TTC28: variants seen among roughly 807,000 people sequenced by gnomAD.
TTC28 encodes tetratricopeptide repeat domain 28, also known as tetratricopeptide repeat protein 28.
In TTC28, 61 loss-of-function variants were observed where a neutral mutation model predicts 198.0. That is an observed-to-expected ratio of 0.31 (90% CI 0.25 to 0.38). The LOEUF is 0.38. Ranked by LOEUF, TTC28 falls within the 10% of genes least tolerant of loss-of-function variation. The probability of loss-of-function intolerance (pLI) is 1.00; values close to 1 mark genes in which losing one functional copy is unlikely to be tolerated. For synonymous variants in TTC28, 1,171 were observed against 1,297.8 expected (o/e 0.90, Z 2.10); for missense variants, 2,678 against 3,164.0 (o/e 0.85, Z 3.69).
At chr22:28,105,252 G>A in intron 8 of TTC28, 27 bp downstream of exon 8, 1 of 1,540,808 alleles carries the variant, frequency 6.5e-7, no homozygotes, top group Non-Finnish European at 8.8e-7. Flanking sequence ...AGTAGGCCAA[G>A]AGAACACAAT....
intron 1 of TTC28, among the ~76,000 whole-genome samples, chr22:28,648,115 T>C (rs980466830): frequency 1.3e-5 from 2 of 150,342 alleles, no homozygotes; most frequent in Non-Finnish European, 3.0e-5. Context: ...TCCCAGCTAC[T>C]TGGGAGGCTG....
intron 2 of TTC28, among the ~76,000 whole-genome samples, chr22:28,368,797 T>C (rs2046285713): frequency 6.6e-6 from 1 of 151,990 alleles, no homozygotes; most frequent in Non-Finnish European, 1.5e-5. Flanking sequence ...TCATTTATAA[T>C]AGCCACAGAT....
intron 2 of TTC28, among the ~76,000 whole-genome samples, chr22:28,509,263 T>G (rs1168533293): frequency 6.6e-6 from 1 of 151,706 alleles, no homozygotes; most frequent in Non-Finnish European, 1.5e-5. Flanking sequence ...CATATTGCAC[T>G]TACTCTAAAA....
At chr22:28,518,865 A>C (rs1417817686) in intron 2 of TTC28, among the ~76,000 whole-genome samples, 1 of 152,176 alleles carries the variant, frequency 6.6e-6, no homozygotes, top group Non-Finnish European at 1.5e-5. Flanking sequence ...AGGGACTAAA[A>C]ATTTTAAATG....
At chr22:28,332,129 T>A (rs1435178092) in intron 2 of TTC28, among the ~76,000 whole-genome samples, 4 of 152,090 alleles carry the variant, frequency 2.6e-5, no homozygotes, top group Non-Finnish European at 4.4e-5. Context: ...TCACGTCAAT[T>A]TTTAATGTAA....
At chr22:28,516,029 C>G (rs1444272953) in intron 2 of TTC28, among the ~76,000 whole-genome samples, 1 of 151,634 alleles carries the variant, frequency 6.6e-6, no homozygotes, top group Non-Finnish European at 1.5e-5. Context: ...ACCTGTAATC[C>G]CAGCTTCTCA....
intron 2 of TTC28, among the ~76,000 whole-genome samples, chr22:28,316,197 G>A (rs2145835630): frequency 6.6e-6 from 1 of 152,256 alleles, no homozygotes; most frequent in East Asian, 1.9e-4. Context: ...CTATGGGCAT[G>A]TCTTAGGCAA....
At chr22:28,184,858 G>A (rs1042969713) in intron 5 of TTC28, among the ~76,000 whole-genome samples, 1 of 152,008 alleles carries the variant, frequency 6.6e-6, no homozygotes, top group Non-Finnish European at 1.5e-5. Flanking sequence ...AACATAATAA[G>A]AAAAGGTATA....
chr22:28,374,033 A>T (rs141868094), intron 2 of TTC28, among the ~76,000 whole-genome samples: 1 of 152,336 alleles, frequency 6.6e-6, no homozygotes, highest in Non-Finnish European at 1.5e-5. Context: ...TTAGTCATAG[A>T]CATCTGATCT....
intron 2 of TTC28, among the ~76,000 whole-genome samples, chr22:28,488,026 G>A (rs959135824): frequency 2.0e-5 from 3 of 152,008 alleles, no homozygotes; most frequent in African/African-American, 4.8e-5. Context: ...CACAGTGCTC[G>A]CTTATCTAAT....
At chr22:28,145,665 C>A (rs1943452831) in intron 6 of TTC28, among the ~76,000 whole-genome samples, 1 of 152,214 alleles carries the variant, frequency 6.6e-6, no homozygotes, top group African/African-American at 2.4e-5. Context: ...TAACCACCTG[C>A]AACTTTCAAG....
At chr22:28,644,420 G>C in intron 1 of TTC28, among the ~76,000 whole-genome samples, 1 of 134,350 alleles carries the variant, frequency 7.4e-6, no homozygotes. Context: ...AAAAAATACA[G>C]AACTCTGTTC....
chr22:28,390,217 A>G (rs942114540), intron 2 of TTC28, among the ~76,000 whole-genome samples: 2 of 152,056 alleles, frequency 1.3e-5, no homozygotes, highest in African/African-American at 2.4e-5. Flanking sequence ...ATAGTTTGTT[A>G]TAATTTCTGT....
At chr22:28,016,864 C>T (rs1376620934) in intron 13 of TTC28, among the ~76,000 whole-genome samples, 2 of 152,234 alleles carry the variant, frequency 1.3e-5, no homozygotes, top group Non-Finnish European at 2.9e-5. Flanking sequence ...CCATCTGACC[C>T]CTCCCTGAGG....
chr22:28,409,926 GTGT>G (rs2047056774), intron 2 of TTC28, among the ~76,000 whole-genome samples: 5 of 10,588 alleles, frequency 4.7e-4, no homozygotes, highest in African/African-American at 2.5e-3. Flanking sequence ...AAAGTGCTAA[GTGT>G]TTTTTTTTTT....
intron 2 of TTC28, among the ~76,000 whole-genome samples, chr22:28,538,877 T>C (rs2049353158): frequency 1.3e-5 from 2 of 152,194 alleles, no homozygotes; most frequent in South Asian, 4.1e-4. Flanking sequence ...CCTTTTTTAT[T>C]TGGAACTATG....
At chr22:28,619,978 C>T (rs887541503) in intron 2 of TTC28, among the ~76,000 whole-genome samples, 32 of 152,200 alleles carry the variant, frequency 2.1e-4, no homozygotes, top group African/African-American at 7.7e-4. Context: ...AGCAGCAGAT[C>T]ATCTGCATCA....
At chr22:28,198,495 A>G (rs1925589998) in intron 5 of TTC28, among the ~76,000 whole-genome samples, 2 of 152,328 alleles carry the variant, frequency 1.3e-5, no homozygotes, top group South Asian at 2.1e-4. Flanking sequence ...TGGCACAACC[A>G]TGTTATGAGA....
At chr22:28,264,604 C>G (rs530898463) in intron 5 of TTC28, among the ~76,000 whole-genome samples, 1 of 152,190 alleles carries the variant, frequency 6.6e-6, no homozygotes, top group East Asian at 1.9e-4. Flanking sequence ...TAAATATATG[C>G]ACATGTATGT....
Sources: gnomAD v4.1 joint callset for allele counts (sites outside exome capture counted in the v4.1 genomes callset) on GRCh38, gnomAD v4.1.1 for gene constraint, MANE v1.5 for transcripts, NCBI Gene and HGNC (gene_info 2026-07-23, HGNC 2026-07-21) for gene names.